Variants in TXK observed in about 807,000 individuals in gnomAD.
The protein encoded by TXK is TXK tyrosine kinase, also known as tyrosine-protein kinase TXK.
In TXK, 60 loss-of-function variants were observed where a neutral mutation model predicts 81.0. That is an observed-to-expected ratio of 0.74 (90% confidence interval 0.60 to 0.92). TXK has a LOEUF of 0.92. TXK is among the 40% of genes least tolerant of loss of function. The pLI is 0.00. For synonymous variants in TXK, 203 were observed against 210.7 expected (o/e 0.96, Z 0.32); for missense variants, 581 against 638.3 (o/e 0.91, Z 0.97).
At chr4:48,126,903 A>G (rs1484750459) in intron 1 of TXK, among the ~76,000 whole-genome samples, 1 of 152,108 alleles carries the variant, frequency 6.6e-6, no homozygotes, top group Non-Finnish European at 1.5e-5. Flanking sequence ...CTCACAACAC[A>G]TGGCCACACC....
At chr4:48,104,280 AATAT>A (rs1456891902) in intron 6 of TXK, among the ~76,000 whole-genome samples, 1 of 4,562 alleles carries the variant, frequency 2.2e-4, no homozygotes, top group Non-Finnish European at 3.3e-4. Flanking sequence ...TATAATATAT[AATAT>A]ATATAATATA....
intron 1 of TXK, among the ~76,000 whole-genome samples, chr4:48,129,693 A>G (rs1179510005): frequency 6.6e-6 from 1 of 152,078 alleles, no homozygotes; most frequent in Non-Finnish European, 1.5e-5. Context: ...AGCCACCCAA[A>G]CCCTTGTTTG....
intron 1 of TXK, among the ~76,000 whole-genome samples, chr4:48,120,449 T>C (rs1482635664): frequency 6.6e-6 from 1 of 151,664 alleles, no homozygotes; most frequent in Admixed American, 6.6e-5. Context: ...ATTTCCCTCA[T>C]TGATTTGCTC....
At chr4:48,121,215 C>A (rs1718951826) in intron 1 of TXK, among the ~76,000 whole-genome samples, 3 of 152,214 alleles carry the variant, frequency 2.0e-5, no homozygotes, top group African/African-American at 7.2e-5. Flanking sequence ...GACTCACCTA[C>A]CCAAATGCAT....
intron 14 of TXK, among the ~76,000 whole-genome samples, chr4:48,070,827 C>T (rs540000485): frequency 6.6e-6 from 1 of 151,794 alleles, no homozygotes; most frequent in South Asian, 2.1e-4. Context: ...GATCTGGCCA[C>T]CTCGGCCTCC....
chr4:48,109,352 T>G (rs1448314740), intron 5 of TXK: 1 of 152,128 alleles, frequency 6.6e-6, no homozygotes, highest in Non-Finnish European at 1.5e-5. Flanking sequence ...TTTTAAAAAT[T>G]GCCATGCTAA....
At chr4:48,104,847 C>T in intron 6 of TXK, 54 bp downstream of exon 6, 2 of 1,408,294 alleles carry the variant, frequency 1.4e-6, no homozygotes, top group South Asian at 2.6e-5. Flanking sequence ...TGGTTAAAGT[C>T]TTTATAAGTA....
intron 6 of TXK, among the ~76,000 whole-genome samples, chr4:48,097,528 C>T (rs938283198): frequency 4.7e-5 from 7 of 150,530 alleles, no homozygotes; most frequent in African/African-American, 9.8e-5. Context: ...AAGCGATTCT[C>T]TTGCCTCAGC....
At chr4:48,133,261 A>G (rs1470978746) in intron 1 of TXK, among the ~76,000 whole-genome samples, 1 of 152,098 alleles carries the variant, frequency 6.6e-6, no homozygotes, top group Non-Finnish European at 1.5e-5. Context: ...TGGATTTATA[A>G]GCATCCCCCA....
intron 1 of TXK, 33 bp from the exon 2 acceptor site, chr4:48,114,435 A>G: frequency 6.2e-7 from 1 of 1,609,002 alleles, no homozygotes; most frequent in Non-Finnish European, 8.5e-7. Context: ...GCTGTTAGAA[A>G]GCCATGAGTA....
chr4:48,089,744 C>T lies in TXK; in HGVS notation c.784+6G>A. On this transcript the variant is annotated splice_donor_region_variant and intron_variant, in intron 9 of 14. Coordinates refer to ENST00000264316, the MANE Select transcript of TXK (RefSeq NM_003328.3). ...TATTTTACTTCAGCATGTGTGCACA[C>T]TTTACCGTAGCTAAACCCAGCTGTG... 2 of 1,612,152 alleles carry T rather than the reference C, an allele frequency of 1.2e-6. No individual in the cohort carries two copies. The highest frequency in any genetic ancestry group is 1.7e-6 in the Non-Finnish European group (2 of 1,178,436).
chr4:48,107,815 C>T (rs543754243), intron 5 of TXK, among the ~76,000 whole-genome samples: 46 of 151,422 alleles, frequency 3.0e-4, no homozygotes, highest in Middle Eastern at 3.4e-3. Context: ...GTAATCCCAG[C>T]ACTTTGGGAG....
At chr4:48,099,564 G>C (rs1478097688) in intron 6 of TXK, among the ~76,000 whole-genome samples, 4 of 152,042 alleles carry the variant, frequency 2.6e-5, no homozygotes, top group Admixed American at 6.6e-5. Context: ...TTTAAAATGA[G>C]ACAAGGTGAT....
At chr4:48,101,951 C>G (rs1458887886) in intron 6 of TXK, among the ~76,000 whole-genome samples, 2 of 151,932 alleles carry the variant, frequency 1.3e-5, no homozygotes, top group African/African-American at 4.8e-5. Flanking sequence ...GATCGGTATT[C>G]AAAATATTAC....
chr4:48,069,492 AT>A (rs1181872791), intron 14 of TXK, among the ~76,000 whole-genome samples: 1 of 151,292 alleles, frequency 6.6e-6, no homozygotes, highest in Non-Finnish European at 1.5e-5. Context: ...TGCCCAGCTA[AT>A]TTTTTTGTAT....
intron 6 of TXK, among the ~76,000 whole-genome samples, chr4:48,103,567 G>A (rs139305291): frequency 3.3e-5 from 5 of 152,254 alleles, no homozygotes; most frequent in South Asian, 2.1e-4. Context: ...TTTCTCATTC[G>A]CATTTCTAGA....
At position 48,094,199 on chromosome 4, in the gene TXK, G is replaced by A. The variant is rs375757546; in HGVS notation, c.587C>T (p.Thr196Met). The A allele has an allele frequency of 2.9e-5, 47 of 1,612,966 alleles. No individual in the cohort carries two copies. The highest frequency in any genetic ancestry group is 1.2e-4 in the Admixed American group (7 of 59,966). The change falls in exon 8 of 15, where the codon ACG becomes ATG. Residue 196 changes from threonine to methionine, a missense_variant. Transcript: ENST00000264316. ...ISVFMGARRS[T>M]EAAIKHYQIK... ...CTGATAATGTTTTATGGCAGCCTCC[G>A]TACTTCTACAATCAAGAAAATGTGA...
At chr4:48,088,067 A>C (rs1717604650) in intron 9 of TXK, among the ~76,000 whole-genome samples, 1 of 152,250 alleles carries the variant, frequency 6.6e-6, no homozygotes, top group African/African-American at 2.4e-5. Flanking sequence ...CAAATTGATA[A>C]AAATAATTAG....
chr4:48,130,153 C>A (rs6858716), intron 1 of TXK, among the ~76,000 whole-genome samples: 48,550 of 152,144 alleles, frequency 0.32, 8,608 homozygotes, highest in East Asian at 0.68. Context: ...AAACTCCAGC[C>A]CCAGGCAGAA....
Sources: allele counts gnomAD v4.1 joint callset (sites outside exome capture counted in the v4.1 genomes callset), GRCh38; gene constraint gnomAD v4.1.1; transcripts MANE v1.5; gene names NCBI Gene and HGNC (gene_info 2026-07-23, HGNC 2026-07-21).